The following PITPNM2 variants were observed in gnomAD, a reference collection of about 807,000 sequenced individuals.
PITPNM2 encodes the protein phosphatidylinositol transfer protein membrane associated 2.
PITPNM2 carries 35 observed loss-of-function variants against 132.2 expected under a neutral mutation model. That is an observed-to-expected ratio of 0.26 (90% CI 0.20 to 0.35). The LOEUF (loss-of-function observed/expected upper bound fraction) is 0.35, where lower values mean the gene tolerates loss of function less well. Ranked by LOEUF, PITPNM2 falls within the 10% of genes least tolerant of loss-of-function variation. The pLI is 1.00. For synonymous variants in PITPNM2, 738 were observed against 799.2 expected (o/e 0.92, Z 1.29); for missense variants, 1,332 against 1,912.0 (o/e 0.70, Z 5.66).
At chr12:123,059,952 A>G (rs548878608) in intron 2 of PITPNM2, among the ~76,000 whole-genome samples, 23 of 152,286 alleles carry the variant, frequency 1.5e-4, no homozygotes, top group African/African-American at 2.2e-4. Context: ...CACTTTTAAC[A>G]TGTTTAAGCT....
chr12:123,089,650 A>G (rs1036104247), intron 2 of PITPNM2: 1 of 152,210 alleles, frequency 6.6e-6, no homozygotes, highest in Non-Finnish European at 1.5e-5. Flanking sequence ...TTCATCCCCA[A>G]CTATCACTAC....
rs1027362035 is a variant in PITPNM2, at chr12:123,004,410, C to A, written c.1032G>T (p.Glu344Asp). 4.3e-6 allele frequency: 7 copies of A among 1,613,838 alleles called. No individual in the cohort carries two copies. The highest frequency in any genetic ancestry group is 5.9e-6 in the Non-Finnish European group (7 of 1,180,042). ...ARDSDESSDD[E>D]FFDAHEDLSD... is the part of the protein sequence containing the mutation. ...CCTGCCTACCGTGCGCATCGAAGAA[C>A]TCATCATCTGAGCTCTCATCCGAGT... The change falls in exon 8 of 26, where the codon GAG becomes GAT. Residue 344 changes from glutamate to aspartate, a missense_variant. Transcript: ENST00000320201. The surrounding 1 kb of genome is among the most constrained non-coding windows in gnomAD (Gnocchi z 4.9).
In PITPNM2 at chr12:122,990,464, C is replaced by G. The variant is rs1267407118; in HGVS notation, c.2569+81G>C. The G allele has an allele frequency of 5.2e-6, 8 of 1,552,796 alleles. No individual in the cohort carries two copies. In the African/African-American group the frequency reaches 6.8e-5, roughly 13 times the overall value. On this transcript the variant is annotated intron_variant, in intron 17 of 25. Transcript: ENST00000320201. Reference sequence around the variant, plus strand: ...CCTAGCTTCATCAGCTAGAAATGCTCCTAGACATGGCCAGCAGCTGTCCCC... The same window carrying G: ...CCTAGCTTCATCAGCTAGAAATGCTGCTAGACATGGCCAGCAGCTGTCCCC...
chr12:123,087,886 C>T (rs915375372), intron 2 of PITPNM2: 2 of 152,248 alleles, frequency 1.3e-5, no homozygotes, highest in East Asian at 1.9e-4. Context: ...CCCACAGTGC[C>T]GGGAGCTACC....
In PITPNM2 at chr12:122,986,571, G is replaced by A. The variant is rs765796197; in HGVS notation, c.3598-7C>T. On this transcript the variant is annotated splice_region_variant and splice_polypyrimidine_tract_variant and intron_variant, in intron 24 of 25. Coordinates refer to ENST00000320201, the MANE Select transcript of PITPNM2 (RefSeq NM_020845.3). ...CGTGCACGCGCAGGTGCAGCTGTGG[G>A]GAGACTGGCATGGGCACAGGCACCA... The A allele has an allele frequency of 7.5e-6, 12 of 1,598,320 alleles. No homozygotes were observed. The highest frequency in any genetic ancestry group is 5.1e-5 in the Admixed American group (3 of 59,360).
chr12:123,018,782 CTTTT>C (rs57520928), intron 3 of PITPNM2, among the ~76,000 whole-genome samples: 2 of 121,434 alleles, frequency 1.6e-5, no homozygotes, highest in African/African-American at 6.7e-5. Flanking sequence ...CTTTCCTTTC[CTTTT>C]TTTTTTTTTT....
chr12:123,051,005 G>A (rs1229221193), intron 2 of PITPNM2, among the ~76,000 whole-genome samples: 1 of 152,192 alleles, frequency 6.6e-6, no homozygotes, highest in Non-Finnish European at 1.5e-5. Flanking sequence ...CCAACTCCAA[G>A]CGATGCCATT....
chr12:123,087,364 TG>T (rs2042141224), intron 2 of PITPNM2: 1 of 152,072 alleles, frequency 6.6e-6, no homozygotes, highest in Non-Finnish European at 1.5e-5. Flanking sequence ...GCAATTCTCC[TG>T]CCTCAGCCTC....
At chr12:123,056,821 CAG>C (rs1274826574) in intron 2 of PITPNM2, among the ~76,000 whole-genome samples, 2 of 152,088 alleles carry the variant, frequency 1.3e-5, no homozygotes, top group African/African-American at 4.8e-5. Flanking sequence ...CTAAGAATCA[CAG>C]AGAATGGGGA....
At chr12:123,149,606 G>A (rs1368351407) in intron 1 of PITPNM2, among the ~76,000 whole-genome samples, 1 of 152,208 alleles carries the variant, frequency 6.6e-6, no homozygotes, top group African/African-American at 2.4e-5. Flanking sequence ...CAGCCCGGGA[G>A]CTCACCGTCC....
Position 123,119,787 on chromosome 12 carries a change from TTTTC to T in PITPNM2, c.-199-9303_-199-9300del, listed in dbSNP as rs556944009. Among the ~76,000 whole-genome samples the T allele has an allele frequency of 1.5e-4, 22 of 143,808 alleles. No homozygotes were observed. The South Asian group carries it at 3.1e-3, about 20-fold the overall frequency. The allele number at this position is 143,808 out of a possible 152,430, so 94.3% of individuals were successfully genotyped here. On this transcript the variant is annotated intron_variant, in intron 1 of 25. Coordinates refer to ENST00000320201, the MANE Select transcript of PITPNM2 (RefSeq NM_020845.3). ...CAATGCTAAATATTTCTTCTTTTTC[TTTTC>T]TTTCTTTTTTTTTTTTTGAGTTTGG...
chr12:123,101,814 T>C (rs2042570097), intron 2 of PITPNM2, among the ~76,000 whole-genome samples: 1 of 152,186 alleles, frequency 6.6e-6, no homozygotes, highest in Non-Finnish European at 1.5e-5. Context: ...TTCCAGCACT[T>C]TGAGAGGCCA....
chr12:123,107,607 G>A lies in PITPNM2; in HGVS notation c.-96+2778C>T, dbSNP rs531460629. On this transcript the variant is annotated intron_variant, in intron 2 of 25. Coordinates refer to ENST00000320201, the MANE Select transcript of PITPNM2 (RefSeq NM_020845.3). ...GAGAAGGAAAGATCTCGTTCTTAGC[G>A]AACCCCAGGGAGTGTGGCCTCCCTC... 3.9e-5 allele frequency among the ~76,000 whole-genome samples: 6 copies of A among 152,294 alleles called. 1 individual carries two copies. Among genetic ancestry groups the A allele is most frequent in the Middle Eastern group, 6.8e-3 (2 of 294 alleles).
intron 1 of PITPNM2, among the ~76,000 whole-genome samples, chr12:123,142,398 T>C (rs2043523540): frequency 6.6e-6 from 1 of 152,232 alleles, no homozygotes; most frequent in South Asian, 2.1e-4. Context: ...ATGTCCCGCT[T>C]AGGGGAAGAA....
At chr12:123,134,698 C>CTTAACTCCAAAAGCCTAT (rs1392129614) in intron 1 of PITPNM2, among the ~76,000 whole-genome samples, 2 of 152,078 alleles carry the variant, frequency 1.3e-5, no homozygotes, top group African/African-American at 4.8e-5. Context: ...TTTGAGCCTA[C>CTTAACTCCAAAAGCCTAT]TTAACTCCAA....
intron 1 of PITPNM2, among the ~76,000 whole-genome samples, chr12:123,126,511 T>C (rs1340103437): frequency 1.3e-5 from 2 of 152,138 alleles, no homozygotes; most frequent in East Asian, 3.9e-4. Context: ...CTGGTGGTCA[T>C]GCAAACCACT....
rs184174857 is a variant in PITPNM2, at chr12:123,067,619, G to A, written c.-95-32934C>T. Among the ~76,000 whole-genome samples, 26 of 152,346 alleles carry A rather than the reference G, an allele frequency of 1.7e-4. No homozygotes were observed. The East Asian group carries it at 4.6e-3, about 27-fold the overall frequency. On this transcript the variant is annotated intron_variant, in intron 2 of 25. Transcript: ENST00000320201. The stretch of plus-strand genomic sequence containing the variant: ...CACTTGGGGCCACCAGAAGCTGCAA[G>A]AGGCAAGGAAGGATTCTCCTTGGAG...
chr12:123,076,392 G>C (rs75524262), intron 2 of PITPNM2, among the ~76,000 whole-genome samples: 32 of 152,306 alleles, frequency 2.1e-4, no homozygotes, highest in Admixed American at 8.5e-4. Flanking sequence ...AAAGAAACAG[G>C]GCTTTGGGGA....
At chr12:123,037,428 G>A (rs1468138386) in intron 2 of PITPNM2, among the ~76,000 whole-genome samples, 1 of 152,248 alleles carries the variant, frequency 6.6e-6, no homozygotes, top group Non-Finnish European at 1.5e-5. Context: ...CACAGCAGGT[G>A]CTTGGTGTGA....
Sources: allele counts gnomAD v4.1 joint callset (sites outside exome capture counted in the v4.1 genomes callset), GRCh38; gene constraint gnomAD v4.1.1; non-coding constraint Gnocchi (gnomAD v3.1); transcripts MANE v1.5; gene names NCBI Gene and HGNC (gene_info 2026-07-23, HGNC 2026-07-21).